Variants in NLRC4 observed in about 807,000 individuals in gnomAD.
NLRC4 encodes the protein NLR family CARD domain containing 4.
NLRC4 carries 63 observed loss-of-function variants against 79.9 expected under a neutral mutation model. That is an observed-to-expected ratio of 0.79 (90% CI 0.64 to 0.97). NLRC4 has a LOEUF of 0.97. NLRC4 is among the 50% of genes least tolerant of loss of function. NLRC4 has a pLI of 0.00. For missense variants in NLRC4, 1,074 were observed against 1,215.2 expected, an observed-to-expected ratio of 0.88 and a Z score of 1.73; for synonymous variants, 461 against 456.5, an observed-to-expected ratio of 1.01 and a Z score of -0.12.
Position 32,224,956 on chromosome 2 carries a change from A to G in NLRC4, c.2783-191T>C, listed in dbSNP as rs112893248. ...AGGGCAGTGATTGTGAATATGGTCTATTATATTTTCCTAGAGTATAAGGGA... is the reference window on the plus strand; with the variant it reads ...AGGGCAGTGATTGTGAATATGGTCTGTTATATTTTCCTAGAGTATAAGGGA... On this transcript the variant is annotated intron_variant, in intron 8 of 8. Transcript: ENST00000402280. Among the ~76,000 whole-genome samples the G allele has an allele frequency of 6.6e-3, 1,003 of 152,282 alleles. 14 individuals carry two copies. The highest frequency in any genetic ancestry group is 0.023 in the African/African-American group (968 of 41,560).
At chr2:32,234,548 C>G (rs1023351673) in intron 8 of NLRC4, among the ~76,000 whole-genome samples, 1 of 152,180 alleles carries the variant, frequency 6.6e-6, no homozygotes, top group Admixed American at 6.5e-5. Flanking sequence ...TGAGCCTGAC[C>G]TCCTTGTATT....
chr2:32,251,530 G>C lies in NLRC4; in HGVS notation c.334C>G (p.Pro112Ala). ...AGGGGATAAAAGTTCAGAAAAGATG[G>C]GGTATGGTACAAGTCCTTTAAATCC... The part of the protein sequence containing the change: ...AQDLKDLYHT[P>A]SFLNFYPLGE... Residue 112 changes from proline to alanine, a missense_variant, in exon 4 of 9, where the codon CCA becomes GCA. Transcript: ENST00000402280. 1.2e-6 allele frequency: 2 copies of C among 1,613,918 alleles called. No homozygotes were observed. Among genetic ancestry groups the C allele is most frequent in the Non-Finnish European group, 1.7e-6 (2 of 1,179,836 alleles).
intron 4 of NLRC4, among the ~76,000 whole-genome samples, chr2:32,243,695 G>A (rs927979269): frequency 2.0e-5 from 3 of 151,444 alleles, no homozygotes; most frequent in African/African-American, 2.4e-5. Context: ...CTACTTGGGA[G>A]GCTGAGGCAG....
chr2:32,258,964 G>A (rs1260754090), intron 1 of NLRC4, among the ~76,000 whole-genome samples: 1 of 152,150 alleles, frequency 6.6e-6, no homozygotes, highest in African/African-American at 2.4e-5. Context: ...ACAGGAAGTG[G>A]GGAAGAGAAC....
chr2:32,251,360 T>C lies in NLRC4; in HGVS notation c.504A>G (p.Glu168=). 1 of 1,614,130 alleles carries C rather than the reference T, an allele frequency of 6.2e-7. No homozygotes were observed. Among genetic ancestry groups the C allele is most frequent in the South Asian group, 1.1e-5 (1 of 91,084 alleles). The change falls in exon 4 of 9, where the codon GAA becomes GAG. Residue 168 remains glutamate (E), a synonymous_variant. Transcript: ENST00000402280. ...LQALQSPCII[E]GESGKGKSTL... ...TGGACTTGCCTTTGCCAGATTCCCC[T>C]TCAATGATGCAGGGGCTCTGAAGAG...
At chr2:32,226,898 A>G (rs967431327) in intron 8 of NLRC4, among the ~76,000 whole-genome samples, 3 of 152,068 alleles carry the variant, frequency 2.0e-5, no homozygotes, top group African/African-American at 7.2e-5. Context: ...AAGAGAAGAA[A>G]AGTGAGACAG....
intron 2 of NLRC4, among the ~76,000 whole-genome samples, chr2:32,253,069 C>T (rs549827911): frequency 4.5e-4 from 68 of 152,166 alleles, no homozygotes; most frequent in African/African-American, 1.5e-3. Context: ...AGCATTAGGG[C>T]CATGCATTTT....
rs553994228 is a variant in NLRC4 at position 32,238,359 on chromosome 2, A to G, written c.2351-57T>C. On this transcript the variant is annotated intron_variant, in intron 5 of 8. Transcript: ENST00000402280. ...TACCAAGTTAATTCGATTTAAGCAT[A>G]GATTAATGAACTGAAAAGAAAGCAA... is the stretch of plus-strand genomic sequence containing the variant. 39 of 1,407,846 alleles carry G rather than the reference A, an allele frequency of 2.8e-5. No individual in the cohort carries two copies. The East Asian group carries it at 8.4e-4, about 30-fold the overall frequency. The allele number at this position is 1,407,846 out of a possible 1,614,324, so 87.2% of individuals were successfully genotyped here. A position where few individuals can be genotyped will look rare whatever the true frequency, so the allele number is the denominator to read the frequency against.
At chr2:32,238,670 G>T (rs528536023) in intron 5 of NLRC4, among the ~76,000 whole-genome samples, 18 of 151,620 alleles carry the variant, frequency 1.2e-4, no homozygotes, top group Non-Finnish European at 1.9e-4. Context: ...ACAGCGGGGG[G>T]GCTGAGTTCA....
In NLRC4 at chr2:32,249,759, C is replaced by T. The variant is rs1300602571; in HGVS notation, c.2105G>A (p.Gly702Glu). 1.2e-6 allele frequency: 2 copies of T among 1,614,162 alleles called. No homozygotes were observed. The highest frequency in any genetic ancestry group is 1.7e-6 in the Non-Finnish European group (2 of 1,180,012). Reference protein sequence around the residue: ...LQIKRCAGVAGSLSLVLSTCK... With the variant: ...LQIKRCAGVAESLSLVLSTCK... ...GGTGCTGAGGACCAAACTGAGGCTTCCAGCCACACCAGCACATCTCTTTAT... is the reference window on the plus strand; with the variant it reads ...GGTGCTGAGGACCAAACTGAGGCTTTCAGCCACACCAGCACATCTCTTTAT... The change falls in exon 4 of 9, where the codon GGA (glycine) becomes GAA (glutamate). Residue 702 changes from glycine to glutamate, a missense_variant. By Grantham distance (98) the Gly-to-Glu change is moderately conservative. Transcript: ENST00000402280.
rs765470694 is a variant in NLRC4, at chr2:32,250,975, C to G, written c.889G>C (p.Val297Leu). 6.2e-7 allele frequency: 1 copy of G among 1,614,198 alleles called. No homozygotes were observed. The change falls in exon 4 of 9, where the codon GTG becomes CTG. Residue 297 changes from valine to leucine, a missense_variant. Val to Leu is a conservative substitution (Grantham distance 32). Coordinates refer to ENST00000402280, the MANE Select transcript of NLRC4 (RefSeq NM_001199138.2). The surrounding 1 kb of genome is among the most constrained non-coding windows in gnomAD (Gnocchi z 4.9). ...IRQFGALTAE[V>L]GDMTEDSAQA... is the part of the protein sequence containing the mutation. The stretch of plus-strand genomic sequence containing the variant: ...GCGCTGTCTTCTGTCATATCCCCCA[C>G]CTCAGCAGTCAGGGCACCAAACTGC...
At chr2:32,230,198 A>G (rs891088373) in intron 8 of NLRC4, among the ~76,000 whole-genome samples, 2 of 152,210 alleles carry the variant, frequency 1.3e-5, no homozygotes, top group African/African-American at 2.4e-5. Flanking sequence ...AAAAAATAAC[A>G]GTCACATCCT....
chr2:32,256,687 G>A, intron 2 of NLRC4, 88 bp downstream of exon 2: 6 of 762,160 alleles, frequency 7.9e-6, no homozygotes, highest in South Asian at 6.9e-5. Flanking sequence ...CTGGTCAGAG[G>A]AAGCCATGAA....
In NLRC4 at chr2:32,251,247, C is replaced by G. The variant is rs200612957; in HGVS notation, c.617G>C (p.Ser206Thr). 22 of 1,614,052 alleles carry G rather than the reference C, an allele frequency of 1.4e-5. No homozygotes were observed. Among genetic ancestry groups the G allele is most frequent in the Admixed American group, 5.0e-5 (3 of 59,990 alleles). Residue 206 changes from serine (S) to threonine (T), a missense_variant, in exon 4 of 9, where the codon AGC (serine) becomes ACC (threonine). Physicochemically the swap from Ser to Thr is moderately conservative, Grantham distance 58. Coordinates refer to ENST00000402280, the MANE Select transcript of NLRC4 (RefSeq NM_001199138.2). ...TTCAAAAAGTCCACCCTGGGCCCTG[C>G]TGAGACGGAGGAAGAAGACGAATTT... is the stretch of plus-strand genomic sequence containing the variant. ...KFKFVFFLRL[S>T]RAQGGLFETL...
At chr2:32,254,907 C>T (rs1042428164) in intron 2 of NLRC4, among the ~76,000 whole-genome samples, 1 of 151,696 alleles carries the variant, frequency 6.6e-6, no homozygotes, top group Non-Finnish European at 1.5e-5. Flanking sequence ...CATGAGCCAC[C>T]GCACCTGGCC....
chr2:32,262,190 C>A (rs1289111061), intron 1 of NLRC4, among the ~76,000 whole-genome samples: 2 of 152,184 alleles, frequency 1.3e-5, no homozygotes, highest in African/African-American at 4.8e-5. Context: ...AGCTCTACCA[C>A]TGACACACTA....
chr2:32,250,612 C>A lies in NLRC4; in HGVS notation c.1252G>T (p.Glu418Ter). ...FELQDVSSVN[E>*]DVLLTTGLLC... is the part of the protein sequence containing the mutation. ...AGCCCAGTTGTCAGCAGGACATCCT[C>A]ATTCACGCTGGACACATCCTGCAGT... The change falls in exon 4 of 9, where the codon GAG becomes TAG. Residue 418 changes from glutamate to a stop codon, truncating the protein, a stop_gained. Transcript: ENST00000402280. LOFTEE classifies it high-confidence loss of function. This position sits in a 1 kb window ranked among gnomAD's most constrained non-coding sequence, Gnocchi z 4.9. 1 of 1,614,158 alleles carries A rather than the reference C, an allele frequency of 6.2e-7. No individual in the cohort carries two copies. The highest frequency in any genetic ancestry group is 8.5e-7 in the Non-Finnish European group (1 of 1,180,018).
chr2:32,231,577 G>GGGT (rs1686537530), intron 8 of NLRC4, among the ~76,000 whole-genome samples: 2 of 115,196 alleles, frequency 1.7e-5, no homozygotes, highest in Non-Finnish European at 3.7e-5. Context: ...TTTTTTGTGG[G>GGGT]GGGGGGGTGG....
intron 4 of NLRC4, among the ~76,000 whole-genome samples, chr2:32,244,018 G>A (rs965453957): frequency 6.6e-6 from 1 of 152,154 alleles, no homozygotes; most frequent in Non-Finnish European, 1.5e-5. Context: ...GGGAGGCCCA[G>A]GCGGGAAAAT....
Sources: gnomAD v4.1 joint callset for allele counts (sites outside exome capture counted in the v4.1 genomes callset) on GRCh38, gnomAD v4.1.1 for gene constraint, Gnocchi (gnomAD v3.1) non-coding constraint, MANE v1.5 for transcripts, NCBI Gene and HGNC (gene_info 2026-07-23, HGNC 2026-07-21) for gene names.